The following ITPR1 variants were observed in gnomAD, a reference collection of about 807,000 sequenced individuals.
The protein encoded by ITPR1 is inositol 1,4,5-trisphosphate receptor type 1.
ITPR1 carries 96 observed loss-of-function variants against 318.4 expected under a neutral mutation model. The observed-to-expected ratio is 0.30, with a 90% CI of 0.26 to 0.36. The LOEUF is 0.36. Among genes scored for constraint, ITPR1 ranks in the 10% least tolerant of loss-of-function variants. The pLI is 1.00. For missense variants in ITPR1, 2,440 were observed against 3,460.2 expected, an observed-to-expected ratio of 0.71 and a Z score of 7.40; for synonymous variants, 1,312 against 1,289.9, an observed-to-expected ratio of 1.02 and a Z score of -0.37.
chr3:4,501,286 G>A (rs2081004367), intron 2 of ITPR1, among the ~76,000 whole-genome samples: 1 of 152,100 alleles, frequency 6.6e-6, no homozygotes, highest in African/African-American at 2.4e-5. Context: ...AATGAACATT[G>A]GGTTGTAAGT....
At chr3:4,625,052 A>T (rs945486951) in intron 4 of ITPR1, among the ~76,000 whole-genome samples, 2 of 152,226 alleles carry the variant, frequency 1.3e-5, no homozygotes, top group Admixed American at 1.3e-4. Flanking sequence ...CCTAGAGAGT[A>T]TCTTTCATAT....
rs1167837324 is a variant in ITPR1 at position 4,710,349 on chromosome 3, C to T, written c.4867C>T (p.Arg1623Cys). Residue 1623 changes from arginine to cysteine, a missense_variant, in exon 38 of 62, where the codon CGT becomes TGT. Arg to Cys is a radical substitution (Grantham distance 180). Coordinates refer to ENST00000649015, the MANE Select transcript of ITPR1 (RefSeq NM_001378452.1). This position sits in a 1 kb window ranked among gnomAD's most constrained non-coding sequence, Gnocchi z 4.2. ...GGACATCGTCTCCGCGCTGGAGGAC[C>T]GTCTCAGGCCCCTGGTGCAGGCAGA... ...LQDIVSALEDRLRPLVQAELS... is the reference protein window; with the variant it reads ...LQDIVSALEDCLRPLVQAELS... 4 of 1,566,170 alleles carry T rather than the reference C, an allele frequency of 2.6e-6. No individual in the cohort carries two copies. Among genetic ancestry groups the T allele is most frequent in the African/African-American group, 1.4e-5 (1 of 74,018 alleles).
intron 3 of ITPR1, among the ~76,000 whole-genome samples, chr3:4,518,834 C>A (rs2082348638): frequency 6.6e-6 from 1 of 152,168 alleles, no homozygotes; most frequent in Non-Finnish European, 1.5e-5. Flanking sequence ...ACTTGGGAGG[C>A]TGAGATGGGA....
chr3:4,687,476 G>A (rs187273075), intron 30 of ITPR1, among the ~76,000 whole-genome samples: 1 of 152,240 alleles, frequency 6.6e-6, no homozygotes, highest in Admixed American at 6.5e-5. Context: ...TGGAGATCTG[G>A]GATAAGAGTA....
chr3:4,835,303 A>G (rs2050818082), intron 60 of ITPR1, among the ~76,000 whole-genome samples: 1 of 152,166 alleles, frequency 6.6e-6, no homozygotes, highest in African/African-American at 2.4e-5. Flanking sequence ...ATGGAGTTTC[A>G]TTATTTTAAA....
intron 4 of ITPR1, among the ~76,000 whole-genome samples, chr3:4,545,477 G>T (rs918879025): frequency 6.6e-6 from 1 of 151,988 alleles, no homozygotes; most frequent in Non-Finnish European, 1.5e-5. Flanking sequence ...AGAATAATTT[G>T]TTGGGCTTGG....
At chr3:4,503,084 C>G (rs2081145601) in intron 2 of ITPR1, among the ~76,000 whole-genome samples, 2 of 151,778 alleles carry the variant, frequency 1.3e-5, no homozygotes. Context: ...GACTCCATCT[C>G]AATAAAAAGA....
chr3:4,656,978 C>T (rs559615640), intron 12 of ITPR1, among the ~76,000 whole-genome samples: 14 of 152,330 alleles, frequency 9.2e-5, no homozygotes, highest in Non-Finnish European at 1.9e-4. Context: ...GGCAGATGGG[C>T]TTTGGAGCCT....
chr3:4,738,911 G>C (rs1360229703), intron 44 of ITPR1, among the ~76,000 whole-genome samples: 1 of 151,830 alleles, frequency 6.6e-6, no homozygotes, highest in Non-Finnish European at 1.5e-5. Flanking sequence ...TGCGGGTGTG[G>C]CCGCACGCAC....
chr3:4,523,331 A>G (rs760751700), intron 4 of ITPR1, among the ~76,000 whole-genome samples: 1 of 152,156 alleles, frequency 6.6e-6, no homozygotes, highest in Non-Finnish European at 1.5e-5. Flanking sequence ...TTAAATCGAC[A>G]TATATTTATG....
chr3:4,684,177 AG>A lies in ITPR1; in HGVS notation c.3499-103del. On this transcript the variant is annotated intron_variant, in intron 28 of 61. Coordinates refer to ENST00000649015, the MANE Select transcript of ITPR1 (RefSeq NM_001378452.1). Reference sequence around the variant, plus strand: ...AAGCCCAGCATGACTATTGTAAAACAGTATAGAACTCCCTTTCTTTCCTAAA... The same window carrying A: ...AAGCCCAGCATGACTATTGTAAAACATATAGAACTCCCTTTCTTTCCTAAA... 3 of 754,338 alleles carry A rather than the reference AG, an allele frequency of 4.0e-6. No homozygotes were observed. In the South Asian group the frequency reaches 4.8e-5, roughly 12 times the overall value. The allele number at this position is 754,338 out of a possible 1,614,324, so 46.7% of individuals were successfully genotyped here.
At chr3:4,579,191 C>A (rs1056450293) in intron 4 of ITPR1, among the ~76,000 whole-genome samples, 11 of 152,168 alleles carry the variant, frequency 7.2e-5, no homozygotes, top group Non-Finnish European at 1.5e-4. Context: ...GCAATTTCTT[C>A]TTCTAAAAGA....
chr3:4,730,371 ATGTGTGTGTGTGTGTG>A (rs369249391), intron 42 of ITPR1, among the ~76,000 whole-genome samples: 4 of 57,378 alleles, frequency 7.0e-5, no homozygotes, highest in East Asian at 1.7e-3. Context: ...GTTGGGTGGA[ATGTGTGTGTGTGTGTG>A]TGTGTGTGTG....
chr3:4,650,604 T>TGTGTGTG (rs1411415069), intron 10 of ITPR1, among the ~76,000 whole-genome samples: 1 of 78,412 alleles, frequency 1.3e-5, no homozygotes. Flanking sequence ...ATGATATGCC[T>TGTGTGTG]TAGTGTGTGT....
At chr3:4,522,107 A>C (rs1003168260) in intron 4 of ITPR1, among the ~76,000 whole-genome samples, 1 of 152,204 alleles carries the variant, frequency 6.6e-6, no homozygotes, top group Non-Finnish European at 1.5e-5. Context: ...CATCTGAGGA[A>C]GTTTTTAAAT....
At chr3:4,553,016 C>T (rs1470580099) in intron 4 of ITPR1, among the ~76,000 whole-genome samples, 8 of 152,230 alleles carry the variant, frequency 5.3e-5, no homozygotes, top group Admixed American at 5.2e-4. Flanking sequence ...GCATCCCCAA[C>T]ACAAAGTGAA....
At chr3:4,669,501 G>A (rs1050454982) in intron 18 of ITPR1, among the ~76,000 whole-genome samples, 153 bp from the exon 19 acceptor site, 2 of 152,010 alleles carry the variant, frequency 1.3e-5, no homozygotes, top group African/African-American at 4.8e-5. Context: ...TGGCTTTCTG[G>A]TGATGCCATA....
chr3:4,623,217 T>A (rs370150796), intron 4 of ITPR1, among the ~76,000 whole-genome samples: 6 of 152,338 alleles, frequency 3.9e-5, no homozygotes, highest in East Asian at 1.9e-4. Flanking sequence ...CCCTCCAGCC[T>A]GGCTCCAGCA....
chr3:4,635,894 T>TC (rs2125142744), intron 5 of ITPR1, among the ~76,000 whole-genome samples: 1 of 152,006 alleles, frequency 6.6e-6, no homozygotes, highest in South Asian at 2.1e-4. Context: ...TTGCTTGCTT[T>TC]TTTTTTTTGA....
Sources: allele counts gnomAD v4.1 joint callset (sites outside exome capture counted in the v4.1 genomes callset), GRCh38; gene constraint gnomAD v4.1.1; non-coding constraint Gnocchi (gnomAD v3.1); transcripts MANE v1.5; gene names NCBI Gene and HGNC (gene_info 2026-07-23, HGNC 2026-07-21).